FAM240B: variants seen among roughly 807,000 people sequenced by gnomAD.
The protein encoded by FAM240B is protein FAM240B.
chr9:38,718,232 A>G (rs1178703559), intron 1 of FAM240B, among the ~76,000 whole-genome samples: 3 of 152,220 alleles, frequency 2.0e-5, no homozygotes, highest in Admixed American at 6.5e-5. Context: ...AAAATTCCAG[A>G]GTAAATCATG....
rs142171987 is a variant in FAM240B, at chr9:38,695,051, T to C, written c.144-182A>G. Among the ~76,000 whole-genome samples, 1,004 of 152,312 alleles carry C rather than the reference T, an allele frequency of 6.6e-3. 9 individuals carry two copies. Among genetic ancestry groups the C allele is most frequent in the African/African-American group, 0.023 (944 of 41,574 alleles). ...CACTTATGAGTGAGAACATGTGGTG[T>C]TTGGTTTTCTTTTCCTATGTTAAGG... On this transcript the variant is annotated intron_variant, in intron 2 of 2. Coordinates refer to ENST00000637493, the MANE Select transcript of FAM240B (RefSeq NM_001394922.1).
chr9:38,699,073 C>T (rs2118999155), intron 2 of FAM240B, among the ~76,000 whole-genome samples: 1 of 152,336 alleles, frequency 6.6e-6, no homozygotes, highest in East Asian at 1.9e-4. Flanking sequence ...TCAGAGAGAA[C>T]ATTTTTACCT....
chr9:38,718,427 C>T (rs1821333086), intron 1 of FAM240B, among the ~76,000 whole-genome samples: 1 of 152,192 alleles, frequency 6.6e-6, no homozygotes, highest in Non-Finnish European at 1.5e-5. Flanking sequence ...GTCTCAATGA[C>T]ATAACAGTAT....
At chr9:38,711,694 T>C (rs1359733135) in intron 1 of FAM240B, among the ~76,000 whole-genome samples, 1 of 146,916 alleles carries the variant, frequency 6.8e-6, no homozygotes, top group African/African-American at 2.5e-5. Context: ...TCTCCCTCTG[T>C]CACCCAGGCT....
chr9:38,711,365 G>A (rs1821253470), intron 1 of FAM240B, among the ~76,000 whole-genome samples: 1 of 152,146 alleles, frequency 6.6e-6, no homozygotes, highest in Non-Finnish European at 1.5e-5. Flanking sequence ...TTCACCCAAG[G>A]TGAAAATACC....
At chr9:38,695,279 G>A (rs1408312493) in intron 2 of FAM240B, among the ~76,000 whole-genome samples, 3 of 152,228 alleles carry the variant, frequency 2.0e-5, no homozygotes, top group African/African-American at 7.2e-5. Context: ...AGCACTTTGG[G>A]AGGCCGAGGC....
chr9:38,715,800 C>T (rs1167774942), intron 1 of FAM240B, among the ~76,000 whole-genome samples: 1 of 152,032 alleles, frequency 6.6e-6, no homozygotes, highest in African/African-American at 2.4e-5. Flanking sequence ...CTTCTGAGTT[C>T]CCCATGGACC....
chr9:38,717,376 C>A (rs1426519746), intron 1 of FAM240B, among the ~76,000 whole-genome samples: 1 of 151,924 alleles, frequency 6.6e-6, no homozygotes, highest in East Asian at 2.0e-4. Flanking sequence ...GTCAGGAGAT[C>A]GAGACCATCC....
At chr9:38,706,492 T>C (rs1259399086) in intron 1 of FAM240B, among the ~76,000 whole-genome samples, 3 of 152,226 alleles carry the variant, frequency 2.0e-5, no homozygotes, top group Non-Finnish European at 4.4e-5. Context: ...AGCTCAGTCG[T>C]ATTTTGTTTT....
intron 1 of FAM240B, among the ~76,000 whole-genome samples, chr9:38,709,561 G>A (rs551946827): frequency 2.0e-5 from 3 of 152,118 alleles, no homozygotes; most frequent in Admixed American, 6.5e-5. Flanking sequence ...TGGTGCCCCC[G>A]TCGGGGCTCA....
At chr9:38,708,238 G>A (rs1457535195) in intron 1 of FAM240B, among the ~76,000 whole-genome samples, 1 of 152,144 alleles carries the variant, frequency 6.6e-6, no homozygotes, top group Non-Finnish European at 1.5e-5. Context: ...TCCTCCCTGT[G>A]CTCTCGCTGC....
intron 2 of FAM240B, among the ~76,000 whole-genome samples, chr9:38,699,314 T>C (rs1821097810): frequency 6.6e-6 from 1 of 152,204 alleles, no homozygotes; most frequent in African/African-American, 2.4e-5. Flanking sequence ...TATAATTATA[T>C]TTTTCCTATC....
At chr9:38,704,880 C>G (rs1458237655) in intron 1 of FAM240B, among the ~76,000 whole-genome samples, 1 of 152,196 alleles carries the variant, frequency 6.6e-6, no homozygotes, top group African/African-American at 2.4e-5. Flanking sequence ...GGCATTTGAA[C>G]CTAGGTCTGT....
At chr9:38,718,019 A>C (rs1003653996) in intron 1 of FAM240B, among the ~76,000 whole-genome samples, 1 of 152,234 alleles carries the variant, frequency 6.6e-6, no homozygotes, top group Admixed American at 6.5e-5. Context: ...ATGCGTACGT[A>C]TGTGTACAAA....
chr9:38,700,215 A>G (rs1012610657), intron 2 of FAM240B, among the ~76,000 whole-genome samples: 4 of 152,242 alleles, frequency 2.6e-5, no homozygotes, highest in African/African-American at 9.6e-5. Flanking sequence ...CTTGTCTTAT[A>G]AAAAGTTTGA....
Position 38,711,783 on chromosome 9 carries a change from A to G in FAM240B, c.-3-7781T>C, listed in dbSNP as rs371024680. ...GCAATTCTCCTGCCTCAGCCTCCTG[A>G]GTAGCTGGGATTATAGGCACGTGCC... is the stretch of plus-strand genomic sequence containing the variant. On this transcript the variant is annotated intron_variant, in intron 1 of 2. Coordinates refer to ENST00000637493, the MANE Select transcript of FAM240B (RefSeq NM_001394922.1). 1.7e-3 allele frequency among the ~76,000 whole-genome samples: 250 copies of G among 151,328 alleles called. 1 individual carries two copies. The highest frequency in any genetic ancestry group is 5.4e-3 in the African/African-American group (222 of 41,210).
intron 1 of FAM240B, among the ~76,000 whole-genome samples, chr9:38,710,914 A>G (rs543255092): frequency 2.6e-5 from 4 of 152,310 alleles, no homozygotes; most frequent in Admixed American, 2.0e-4. Flanking sequence ...CACCTTGTTG[A>G]TGGTGATAGA....
At chr9:38,712,086 G>A (rs1251088544) in intron 1 of FAM240B, among the ~76,000 whole-genome samples, 1 of 152,106 alleles carries the variant, frequency 6.6e-6, no homozygotes, top group Admixed American at 6.6e-5. Flanking sequence ...GAGGCTCAGG[G>A]GAAATACAAC....
At chr9:38,704,993 A>G (rs2119004865) in intron 1 of FAM240B, among the ~76,000 whole-genome samples, 1 of 152,356 alleles carries the variant, frequency 6.6e-6, no homozygotes, top group Admixed American at 6.5e-5. Context: ...CTCGTTCAGC[A>G]TATGTATATA....
Sources: gnomAD v4.1 joint callset for allele counts (sites outside exome capture counted in the v4.1 genomes callset) on GRCh38, gnomAD v4.1.1 for gene constraint, MANE v1.5 for transcripts, NCBI Gene and HGNC (gene_info 2026-07-23, HGNC 2026-07-21) for gene names.